The following GUCY1A2 variants were observed in gnomAD, a reference collection of about 807,000 sequenced individuals.
GUCY1A2 encodes the protein guanylate cyclase soluble subunit alpha-2.
A neutral mutation model predicts 63.5 loss-of-function variants in GUCY1A2; 27 were observed. The ratio of observed to expected loss-of-function variants is 0.43; its 90% confidence interval spans 0.31 to 0.59. The LOEUF is 0.59. GUCY1A2 is among the 20% of genes least tolerant of loss of function. The pLI, the probability that GUCY1A2 is intolerant of heterozygous loss-of-function variation, is 0.11. For missense variants in GUCY1A2, 768 were observed against 913.3 expected, an observed-to-expected ratio of 0.84 and a Z score of 2.05; for synonymous variants, 364 against 343.5, an observed-to-expected ratio of 1.06 and a Z score of -0.66.
chr11:106,872,164 G>A (rs1272521949), intron 4 of GUCY1A2, among the ~76,000 whole-genome samples: 1 of 152,086 alleles, frequency 6.6e-6, no homozygotes, highest in East Asian at 1.9e-4. Context: ...TAATTAAATT[G>A]AACAAGAATA....
intron 4 of GUCY1A2, among the ~76,000 whole-genome samples, chr11:106,815,592 G>T (rs907834166): frequency 6.6e-6 from 1 of 151,846 alleles, no homozygotes; most frequent in East Asian, 1.9e-4. Flanking sequence ...TTGAGCACCA[G>T]GAAGGAAGAA....
At chr11:106,951,250 T>C (rs1158164938) in intron 3 of GUCY1A2, among the ~76,000 whole-genome samples, 1 of 152,250 alleles carries the variant, frequency 6.6e-6, no homozygotes, top group African/African-American at 2.4e-5. Context: ...CCTTTGGGTA[T>C]ATACCCAGTA....
chr11:106,839,794 G>A (rs1859170796), intron 4 of GUCY1A2, among the ~76,000 whole-genome samples: 1 of 148,262 alleles, frequency 6.7e-6, no homozygotes, highest in Non-Finnish European at 1.5e-5. Flanking sequence ...TCACTCACAG[G>A]TGGGAATTGA....
chr11:106,747,967 G>A (rs906578799), intron 6 of GUCY1A2, among the ~76,000 whole-genome samples: 2 of 152,172 alleles, frequency 1.3e-5, no homozygotes, highest in African/African-American at 4.8e-5. Context: ...CTGTGGCTGT[G>A]ATATCCTTAA....
intron 4 of GUCY1A2, among the ~76,000 whole-genome samples, chr11:106,883,232 A>G (rs1859850744): frequency 6.6e-6 from 1 of 152,082 alleles, no homozygotes; most frequent in Non-Finnish European, 1.5e-5. Flanking sequence ...TGAAAACCTG[A>G]TGATTTGACA....
chr11:106,805,693 C>G lies in GUCY1A2; in HGVS notation c.1692+4300G>C, dbSNP rs563167098. ...AATGCCTCTTTTGGTATGCCACTTT[C>G]CATAGGAGGAATGAAGACAGAGGTG... On this transcript the variant is annotated intron_variant, in intron 5 of 7. Transcript: ENST00000526355. Among the ~76,000 whole-genome samples the G allele has an allele frequency of 1.9e-4, 29 of 152,230 alleles. No individual in the cohort carries two copies. The South Asian group carries it at 6.0e-3, about 32-fold the overall frequency.
At chr11:106,805,997 A>G (rs1858678642) in intron 5 of GUCY1A2, among the ~76,000 whole-genome samples, 1 of 152,148 alleles carries the variant, frequency 6.6e-6, no homozygotes, top group Non-Finnish European at 1.5e-5. Flanking sequence ...ATAATGCCAC[A>G]TGTTATTCAA....
chr11:106,979,182 G>A (rs1010043244), intron 2 of GUCY1A2, among the ~76,000 whole-genome samples: 1 of 152,178 alleles, frequency 6.6e-6, no homozygotes, highest in African/African-American at 2.4e-5. Context: ...TAGGCCGGGT[G>A]CGGTGGCTCA....
chr11:106,907,638 G>A (rs966002194), intron 4 of GUCY1A2, among the ~76,000 whole-genome samples: 28 of 151,926 alleles, frequency 1.8e-4, no homozygotes, highest in Non-Finnish European at 3.8e-4. Flanking sequence ...TCCCACCTAT[G>A]AGTGAGAACA....
At chr11:106,878,714 A>C (rs1859784319) in intron 4 of GUCY1A2, among the ~76,000 whole-genome samples, 1 of 151,642 alleles carries the variant, frequency 6.6e-6, no homozygotes, top group Non-Finnish European at 1.5e-5. Context: ...TAATCTGTAC[A>C]ACAAATCCCC....
At chr11:106,812,443 TTC>T (rs2135425379) in intron 4 of GUCY1A2, among the ~76,000 whole-genome samples, 2 of 151,898 alleles carry the variant, frequency 1.3e-5, no homozygotes, top group East Asian at 3.9e-4. Flanking sequence ...CTGGTCTCTC[TTC>T]TTCATCGCTT....
chr11:106,859,794 TAGAGTACTC>T lies in GUCY1A2; in HGVS notation c.1207-49325_1207-49317del, dbSNP rs540258344. On this transcript the variant is annotated intron_variant, in intron 4 of 7. Transcript: ENST00000526355. The stretch of plus-strand genomic sequence containing the variant: ...CAAATATCATCATGTTACAATTGCC[TAGAGTACTC>T]AGTACAGTATCATTCTGTACAGGTT... Among the ~76,000 whole-genome samples the T allele has an allele frequency of 1.4e-3, 214 of 152,066 alleles. 1 individual carries two copies. The highest frequency in any genetic ancestry group is 5.1e-3 in the African/African-American group (211 of 41,536).
intron 4 of GUCY1A2, among the ~76,000 whole-genome samples, chr11:106,902,094 G>T (rs550808507): frequency 6.6e-6 from 1 of 152,196 alleles, no homozygotes; most frequent in South Asian, 2.1e-4. Context: ...CTTGATCCAT[G>T]GGCTATATAA....
intron 4 of GUCY1A2, among the ~76,000 whole-genome samples, chr11:106,850,338 A>C (rs1254522839): frequency 6.6e-6 from 1 of 151,758 alleles, no homozygotes; most frequent in Non-Finnish European, 1.5e-5. Flanking sequence ...ATTTATTATT[A>C]CTTTGTGTTG....
At chr11:106,961,139 C>T (rs1424699265) in intron 3 of GUCY1A2, among the ~76,000 whole-genome samples, 1 of 152,010 alleles carries the variant, frequency 6.6e-6, no homozygotes, top group Non-Finnish European at 1.5e-5. Flanking sequence ...TGTGAGCACA[C>T]CTTGCTCATT....
chr11:106,874,939 T>C (rs778461932), intron 4 of GUCY1A2, among the ~76,000 whole-genome samples: 11 of 152,148 alleles, frequency 7.2e-5, no homozygotes, highest in Non-Finnish European at 1.6e-4. Flanking sequence ...AACTATCTCT[T>C]ACTCCTTATA....
chr11:106,918,496 C>T (rs1019678254), intron 4 of GUCY1A2, among the ~76,000 whole-genome samples: 5 of 145,540 alleles, frequency 3.4e-5, no homozygotes, highest in Non-Finnish European at 6.2e-5. Context: ...TATTCTTCCT[C>T]GCCATGGACA....
chr11:106,913,141 A>G (rs1283055872), intron 4 of GUCY1A2, among the ~76,000 whole-genome samples: 1 of 152,090 alleles, frequency 6.6e-6, no homozygotes, highest in Non-Finnish European at 1.5e-5. Context: ...ATATATATAT[A>G]TAAAAGCAAT....
At chr11:106,825,721 C>T (rs577301573) in intron 4 of GUCY1A2, among the ~76,000 whole-genome samples, 6 of 151,900 alleles carry the variant, frequency 3.9e-5, no homozygotes, top group East Asian at 1.9e-4. Flanking sequence ...TGTCTTGGGC[C>T]GCACATAAAA....
Sources: gnomAD v4.1 joint callset for allele counts (sites outside exome capture counted in the v4.1 genomes callset) on GRCh38, gnomAD v4.1.1 for gene constraint, MANE v1.5 for transcripts, NCBI Gene and HGNC (gene_info 2026-07-23, HGNC 2026-07-21) for gene names.